The following TTN variants were observed in gnomAD, a reference collection of about 807,000 sequenced individuals.
TTN encodes connectin.
In TTN, 1,525 loss-of-function variants were observed where a neutral mutation model predicts 3,223.0. The observed-to-expected ratio is 0.47, with a 90% confidence interval of 0.45 to 0.49. The LOEUF (loss-of-function observed/expected upper bound fraction) is 0.49, where lower values mean the gene tolerates loss of function less well. Among genes scored for constraint, TTN ranks in the 20% least tolerant of loss-of-function variants. The probability of loss-of-function intolerance (pLI) is 0.00; values close to 1 mark genes in which losing one functional copy is unlikely to be tolerated. For synonymous variants in TTN, 14,094 were observed against 15,161.0 expected (o/e 0.93, Z 5.17); for missense variants, 40,786 against 43,424.0 (o/e 0.94, Z 5.40).
At chr2:178,755,084 C>T (rs1029771416) in intron 46 of TTN, among the ~76,000 whole-genome samples, 17 of 152,128 alleles carry the variant, frequency 1.1e-4, no homozygotes, top group African/African-American at 4.1e-4. Context: ...TGAATTTATT[C>T]CACCAGCTTC....
At position 178,599,245 on chromosome 2, in the gene TTN, G is replaced by A. The variant is rs773730675; in HGVS notation, c.56548C>T (p.Leu18850=). 6.4e-7 allele frequency: 1 copy of A among 1,556,352 alleles called. No individual in the cohort carries two copies. Among genetic ancestry groups the A allele is most frequent in the African/African-American group, 1.4e-5 (1 of 72,500 alleles). The change falls in exon 290 of 363, where the codon CTA becomes TTA. Residue 18850 remains leucine (L), a synonymous_variant. Coordinates refer to ENST00000589042, the MANE Select transcript of TTN (RefSeq NM_001267550.2). The stretch of plus-strand genomic sequence containing the variant: ...CGGAATACATATTCATGGCCTTCTA[G>A]CAATTTGGGAATCGTGTACGTGCAC... ...KECTYTIPKL[L]EGHEYVFRIM...
intron 47 of TTN, chr2:178,748,631 A>C: frequency 1.2e-6 from 2 of 1,613,074 alleles, no homozygotes; most frequent in Non-Finnish European, 1.7e-6. Flanking sequence ...TAATTCTTGG[A>C]ATTTCACATC....
In TTN at chr2:178,592,171, A is replaced by G; in HGVS notation, c.59733T>C (p.Asn19911=). The part of the protein sequence containing the change: ...PLDDGGSVIT[N]YVVERRDVAS... ...CAACATCTCTCCTCTCAACCACATAATTGGTAATAACAGAACCACCATCAT... is the reference window on the plus strand; with the variant it reads ...CAACATCTCTCCTCTCAACCACATAGTTGGTAATAACAGAACCACCATCAT... The change falls in exon 302 of 363, where the codon AAT becomes AAC. Residue 19911 remains asparagine (N), a synonymous_variant. Coordinates refer to ENST00000589042, the MANE Select transcript of TTN (RefSeq NM_001267550.2). The G allele has an allele frequency of 1.2e-6, 2 of 1,612,706 alleles. No individual in the cohort carries two copies. The highest frequency in any genetic ancestry group is 2.2e-5 in the South Asian group (2 of 90,984).
In TTN at chr2:178,610,997, G is replaced by T; in HGVS notation, c.51132C>A (p.Val17044=). 6.2e-7 allele frequency: 1 copy of T among 1,611,854 alleles called. No individual in the cohort carries two copies. The highest frequency in any genetic ancestry group is 1.1e-5 in the South Asian group (1 of 90,678). The stretch of plus-strand genomic sequence containing the variant: ...TTTTCTTCAAAGAATGATTACCTAT[G>T]ACTTTGACATTGATTGAGGCTGTTG... ...GSATASINVK[V]IGLPGPCKDI... The change falls in exon 270 of 363, where the codon GTC becomes GTA. Residue 17044 remains valine, a synonymous_variant. Coordinates refer to ENST00000589042, the MANE Select transcript of TTN (RefSeq NM_001267550.2).
In TTN at chr2:178,558,563, G is replaced by A. The variant is rs1216201291; in HGVS notation, c.86896C>T (p.Pro28966Ser). The change falls in exon 327 of 363, where the codon CCT becomes TCT. Residue 28966 changes from proline (P) to serine (S), a missense_variant. Coordinates refer to ENST00000589042, the MANE Select transcript of TTN (RefSeq NM_001267550.2). ...ATTCTGCTTCCGCCATCATGTTCAG[G>A]CTTCAGCCAGGTCAGGGAAACACTG... ...KDSVSLTWLKPEHDGGSRIVH... is the reference protein window; with the variant it reads ...KDSVSLTWLKSEHDGGSRIVH... The A allele has an allele frequency of 2.5e-6, 4 of 1,613,718 alleles. No individual in the cohort carries two copies. In the Admixed American group the frequency reaches 6.7e-5, roughly 27 times the overall value.
chr2:178,615,104 A>G, intron 259 of TTN, 136 bp from the exon 260 acceptor site: 1 of 991,412 alleles, frequency 1.0e-6, no homozygotes, highest in Non-Finnish European at 1.5e-6. Context: ...CTTCAACACT[A>G]TAACTGAATA....
rs1553518099 is a variant in TTN, at chr2:178,543,567, G to A, written c.96406C>T (p.Pro32136Ser). 8 of 1,610,502 alleles carry A rather than the reference G, an allele frequency of 5.0e-6. No individual in the cohort carries two copies. The highest frequency in any genetic ancestry group is 5.9e-6 in the Non-Finnish European group (7 of 1,179,692). The change falls in exon 347 of 363, where the codon CCA (proline) becomes TCA (serine). Residue 32136 changes from proline to serine, a missense_variant. Pro to Ser is a moderately conservative substitution (Grantham distance 74). Coordinates refer to ENST00000589042, the MANE Select transcript of TTN (RefSeq NM_001267550.2). Reference sequence around the variant, plus strand: ...TTCTCAACGATGTAATTGTTGACTGGAGCTCCACCATCAATCGTGGGAATT... The same window carrying A: ...TTCTCAACGATGTAATTGTTGACTGAAGCTCCACCATCAATCGTGGGAATT... ...WEIPTIDGGA[P>S]VNNYIVEKRE...
rs1191282845 is a variant in TTN at position 178,584,965 on chromosome 2, G to T, written c.64676C>A (p.Ala21559Asp). ...TQKIKVVVMDAPGPPQPPFDI... is the reference protein window; with the variant it reads ...TQKIKVVVMDDPGPPQPPFDI... ...AAATGGAGGCTGAGGGGGGCCGGGG[G>T]CATCTACATGAACCAAGAGGAAAGA... Residue 21559 changes from alanine (A) to aspartate (D), a missense_variant, in exon 310 of 363, where the codon GCC becomes GAC. Coordinates refer to ENST00000589042, the MANE Select transcript of TTN (RefSeq NM_001267550.2). 3.7e-6 allele frequency: 6 copies of T among 1,612,874 alleles called. No homozygotes were observed. Among genetic ancestry groups the T allele is most frequent in the Non-Finnish European group, 4.2e-6 (5 of 1,179,420 alleles).
chr2:178,610,412 T>C, intron 270 of TTN, 23 bp from the exon 271 acceptor site: 1 of 1,602,306 alleles, frequency 6.2e-7, no homozygotes, highest in Non-Finnish European at 8.5e-7. Context: ...TGGATAATTA[T>C]TCTAGTAATC....
intron 141 of TTN, 74 bp downstream of exon 141, chr2:178,679,525 T>C: frequency 6.3e-7 from 1 of 1,587,036 alleles, no homozygotes; most frequent in Non-Finnish European, 8.6e-7. Context: ...CACAAGGTTT[T>C]GAACTCAGAA....
intron 319 of TTN, 26 bp from the exon 320 acceptor site, chr2:178,579,419 T>G (rs202086548): frequency 3.2e-6 from 5 of 1,553,700 alleles, no homozygotes; most frequent in Non-Finnish European, 3.4e-6. Context: ...GATAAATTAC[T>G]GTTATTTTTA....
Position 178,633,966 on chromosome 2 carries a change from TCATTTTTGAACCAGACTACATG to T in TTN, c.42511_42532del (p.His14171MetfsTer23). 6.2e-7 allele frequency: 1 copy of T among 1,613,442 alleles called. No individual in the cohort carries two copies. Among genetic ancestry groups the T allele is most frequent in the Non-Finnish European group, 8.5e-7 (1 of 1,179,546 alleles). ...TGTTCTGCTTGTATGGAGTTTGGCA[TCATTTTTGAACCAGACTACATG>T]CATTTTTTCATGAGAAAGTTCACAA... On this transcript the variant is annotated frameshift_variant, in exon 231 of 363. Coordinates refer to ENST00000589042, the MANE Select transcript of TTN (RefSeq NM_001267550.2). LOFTEE classifies it high-confidence loss of function.
In TTN at chr2:178,581,777, T is replaced by G. The variant is rs371081043; in HGVS notation, c.66491A>C (p.Lys22164Thr). The G allele has an allele frequency of 1.9e-6, 3 of 1,601,006 alleles. No individual in the cohort carries two copies. In the Admixed American group the frequency reaches 5.2e-5, roughly 28 times the overall value. The change falls in exon 316 of 363, where the codon AAA becomes ACA. Residue 22164 changes from lysine (K) to threonine (T), a missense_variant. Coordinates refer to ENST00000589042, the MANE Select transcript of TTN (RefSeq NM_001267550.2). ...QYPPGPPAFP[K>T]VYDTTRSSVS... ...AGAGCTGCGAGTTGTATCATATACT[T>G]TAGGGAAAGCCGGTGGGCCAGGAGG...
rs944587802 is a variant in TTN, at chr2:178,609,731, C to G, written c.51692G>C (p.Ser17231Thr). 1 of 1,610,816 alleles carries G rather than the reference C, an allele frequency of 6.2e-7. No individual in the cohort carries two copies. Among genetic ancestry groups the G allele is most frequent in the Non-Finnish European group, 8.5e-7 (1 of 1,177,806 alleles). Residue 17231 changes from serine (S) to threonine (T), a missense_variant, in exon 272 of 363, where the codon AGT becomes ACT. Ser to Thr is a moderately conservative substitution (Grantham distance 58). Coordinates refer to ENST00000589042, the MANE Select transcript of TTN (RefSeq NM_001267550.2). ...TGGAGGAGTAGCCCGAGAAGGTTCA[C>G]TAATACCCGCGGCGTTCTCTGCTCG... ...RVRAENAAGI[S>T]EPSRATPPTK...
chr2:178,680,448 T>C, intron 138 of TTN, 117 bp from the exon 139 acceptor site: 2 of 828,802 alleles, frequency 2.4e-6, no homozygotes, highest in Non-Finnish European at 2.0e-6. Context: ...GAGATACATA[T>C]GCGATTGTTC....
intron 111 of TTN, among the ~76,000 whole-genome samples, chr2:178,700,252 T>C (rs914200279): frequency 2.0e-5 from 3 of 152,240 alleles, no homozygotes; most frequent in Non-Finnish European, 4.4e-5. Flanking sequence ...TTCTCTTTGT[T>C]AATGAGGTTG....
rs1320532598 is a variant in TTN, at chr2:178,704,503, A to C, written c.29962+7T>G. On this transcript the variant is annotated splice_region_variant and intron_variant, in intron 105 of 362. Transcript: ENST00000589042. ...CACAAGTATTTCATAAGCCTTTTCT[A>C]ACTTACCAATTACAGTTAGTTTAGC... 1 of 1,601,840 alleles carries C rather than the reference A, an allele frequency of 6.2e-7. No homozygotes were observed. The highest frequency in any genetic ancestry group is 8.5e-7 in the Non-Finnish European group (1 of 1,173,558).
rs751561118 is a variant in TTN at position 178,674,316 on chromosome 2, C to G, written c.34706G>C (p.Arg11569Thr). Residue 11569 changes from arginine to threonine, a missense_variant and splice_region_variant, in exon 151 of 363, where the codon AGA (arginine) becomes ACA (threonine). Transcript: ENST00000589042. The part of the protein sequence containing the change: ...IEEVEEVAPP[R>T]VPEVIKKAVP... ...TCAATCCTTAAAAGCGGTTATACCT[C>G]TAGGTGGTGCCACCTCTTCAACTTC... 1 of 1,572,588 alleles carries G rather than the reference C, an allele frequency of 6.4e-7. No individual in the cohort carries two copies. The highest frequency in any genetic ancestry group is 8.7e-7 in the Non-Finnish European group (1 of 1,151,616).
Position 178,777,520 on chromosome 2 carries a change from T to G in TTN, c.4545A>C (p.Leu1515=). The change falls in exon 26 of 363, where the codon CTA becomes CTC. Residue 1515 remains leucine, a synonymous_variant. Coordinates refer to ENST00000589042, the MANE Select transcript of TTN (RefSeq NM_001267550.2). ...CACTGGGTGTGGCAGGGACAATAATTAGTGATTGAGTACCATCTTCTTTAA... is the reference window on the plus strand; with the variant it reads ...CACTGGGTGTGGCAGGGACAATAATGAGTGATTGAGTACCATCTTCTTTAA... ...VVIKEDGTQS[L]IIVPATPSDS... The G allele has an allele frequency of 6.2e-7, 1 of 1,613,906 alleles. No homozygotes were observed. Among genetic ancestry groups the G allele is most frequent in the Non-Finnish European group, 8.5e-7 (1 of 1,179,924 alleles).
Sources: gnomAD v4.1 joint callset for allele counts (sites outside exome capture counted in the v4.1 genomes callset) on GRCh38, gnomAD v4.1.1 for gene constraint, MANE v1.5 for transcripts, NCBI Gene and HGNC (gene_info 2026-07-23, HGNC 2026-07-21) for gene names.